Variants in ZIM2 observed in about 807,000 individuals in gnomAD.
ZIM2 encodes zinc finger imprinted 2.
A neutral mutation model predicts 38.6 loss-of-function variants in ZIM2; 14 were observed. That is an observed-to-expected ratio of 0.36 (90% CI 0.24 to 0.57). The LOEUF (loss-of-function observed/expected upper bound fraction) is 0.57. Ranked by LOEUF, ZIM2 falls within the 20% of genes least tolerant of loss-of-function variation. ZIM2 has a pLI of 0.81. For missense variants in ZIM2, 680 were observed against 695.1 expected, an observed-to-expected ratio of 0.98 and a Z score of 0.24; for synonymous variants, 247 against 245.8, an observed-to-expected ratio of 1.00 and a Z score of -0.04.
chr19:56,825,236 C>T (rs2060906128), intron 3 of ZIM2, among the ~76,000 whole-genome samples: 1 of 152,206 alleles, frequency 6.6e-6, no homozygotes, highest in Admixed American at 6.5e-5. Flanking sequence ...CTTCCCTTAA[C>T]ACAATTATTA....
intron 12 of ZIM2, among the ~76,000 whole-genome samples, chr19:56,775,855 A>G (rs1221015388): frequency 6.6e-6 from 1 of 152,080 alleles, no homozygotes; most frequent in Non-Finnish European, 1.5e-5. Context: ...TAATCCCAGC[A>G]CCTTGGGAGG....
chr19:56,774,725 T>C lies in ZIM2; in HGVS notation c.1640A>G (p.His547Arg), dbSNP rs775543084. 2 of 1,613,964 alleles carry C rather than the reference T, an allele frequency of 1.2e-6. No homozygotes were observed. Among genetic ancestry groups the C allele is most frequent in the Non-Finnish European group, 1.7e-6 (2 of 1,180,014 alleles). ...PSYLTQHYQLHSQEKTVECDH... is the reference protein window; with the variant it reads ...PSYLTQHYQLRSQEKTVECDH... The stretch of plus-strand genomic sequence containing the variant: ...GCACTCAACAGTTTTCTCTTGAGAA[T>C]GGAGTTGATAATGTTGAGTGAGGTA... The change falls in exon 13 of 13, where the codon CAT becomes CGT. Residue 547 changes from histidine to arginine, a missense_variant. By Grantham distance (29) the His-to-Arg change is conservative. Transcript: ENST00000629319.
intron 10 of ZIM2, among the ~76,000 whole-genome samples, chr19:56,783,917 A>G (rs985411048): frequency 3.9e-5 from 6 of 152,226 alleles, no homozygotes; most frequent in African/African-American, 1.4e-4. Flanking sequence ...GCAAATCTGA[A>G]TATAGAAAAT....
At chr19:56,823,486 G>A (rs1335013344) in intron 5 of ZIM2, 104 bp downstream of exon 5, 10 of 1,324,116 alleles carry the variant, frequency 7.6e-6, no homozygotes, top group South Asian at 1.2e-5. Flanking sequence ...CTGACCACTC[G>A]GGGATGGCGG....
intron 4 of ZIM2, among the ~76,000 whole-genome samples, chr19:56,823,938 A>G (rs932249660): frequency 3.5e-4 from 53 of 152,054 alleles, no homozygotes; most frequent in African/African-American, 1.3e-3. Context: ...CTCCTAGCAC[A>G]CCACACCAAA....
In ZIM2 at chr19:56,814,122, A is replaced by G. The variant is rs776271420; in HGVS notation, c.490+3624T>C. ...CCCCATTTGGCTGCTCGGCCTCTCC[A>G]TTTGGCTGTCCAGCCTCTCCAATGG... On this transcript the variant is annotated intron_variant, in intron 9 of 12. Coordinates refer to ENST00000629319, the MANE Select transcript of ZIM2 (RefSeq NM_001387356.1). The surrounding 1 kb of genome is among the most constrained non-coding windows in gnomAD (Gnocchi z 5.8). 1.2e-6 allele frequency: 2 copies of G among 1,613,706 alleles called. No homozygotes were observed. Among genetic ancestry groups the G allele is most frequent in the East Asian group, 2.2e-5 (1 of 44,834 alleles).
At chr19:56,799,994 T>C (rs1174507806) in intron 9 of ZIM2, among the ~76,000 whole-genome samples, 1 of 152,194 alleles carries the variant, frequency 6.6e-6, no homozygotes, top group Non-Finnish European at 1.5e-5. Context: ...AACTAATGTG[T>C]GGTGAAAATA....
chr19:56,817,157 T>G, intron 9 of ZIM2: 1 of 1,614,236 alleles, frequency 6.2e-7, no homozygotes, highest in Non-Finnish European at 8.5e-7. Flanking sequence ...CTCAGGCTGC[T>G]CACGCTCATG....
At chr19:56,790,686 TG>T (rs2046886810) in intron 9 of ZIM2, among the ~76,000 whole-genome samples, 2 of 152,222 alleles carry the variant, frequency 1.3e-5, no homozygotes, top group Non-Finnish European at 2.9e-5. Context: ...AATATCGTAC[TG>T]TGCCTAATTA....
At chr19:56,796,135 T>G (rs752911891) in intron 9 of ZIM2, among the ~76,000 whole-genome samples, 8 of 152,120 alleles carry the variant, frequency 5.3e-5, no homozygotes, top group Non-Finnish European at 1.2e-4. Flanking sequence ...TGTGTAAGGC[T>G]TCCCTCAGTA....
At chr19:56,803,113 A>C (rs1727295995) in intron 9 of ZIM2, among the ~76,000 whole-genome samples, 1 of 152,136 alleles carries the variant, frequency 6.6e-6, no homozygotes, top group African/African-American at 2.4e-5. Flanking sequence ...TGGACTCCCC[A>C]CCATACCCAG....
At chr19:56,780,566 G>T (rs906908113) in intron 11 of ZIM2, among the ~76,000 whole-genome samples, 3 of 151,996 alleles carry the variant, frequency 2.0e-5, no homozygotes, top group Non-Finnish European at 4.4e-5. Context: ...TTCAATGGAA[G>T]CTTTATATCA....
chr19:56,815,374 T>C (rs368693431), intron 9 of ZIM2: 1 of 1,614,250 alleles, frequency 6.2e-7, no homozygotes, highest in Non-Finnish European at 8.5e-7. Context: ...TTTAGCATAC[T>C]GCTCTTGGGC....
intron 9 of ZIM2, chr19:56,815,711 C>G: frequency 6.2e-7 from 1 of 1,614,198 alleles, no homozygotes; most frequent in East Asian, 2.2e-5. Context: ...CCAGATCCCT[C>G]TCCAGGAACA....
chr19:56,802,605 A>C (rs2145997915), intron 9 of ZIM2, among the ~76,000 whole-genome samples: 1 of 152,314 alleles, frequency 6.6e-6, no homozygotes, highest in Non-Finnish European at 1.5e-5. Context: ...TCTGCCTCCA[A>C]GTTGTACATG....
At position 56,816,955 on chromosome 19, in the gene ZIM2, T is replaced by G. The variant is rs1002706174; in HGVS notation, c.490+791A>C. On this transcript the variant is annotated intron_variant, in intron 9 of 12. Coordinates refer to ENST00000629319, the MANE Select transcript of ZIM2 (RefSeq NM_001387356.1). Reference sequence around the variant, plus strand: ...ACGTTTCCCTCCAACCTGACTTTTCTGAACTTCACTGACAGCCACACTGTG... The same window carrying G: ...ACGTTTCCCTCCAACCTGACTTTTCGGAACTTCACTGACAGCCACACTGTG... 2 of 1,614,202 alleles carry G rather than the reference T, an allele frequency of 1.2e-6. No individual in the cohort carries two copies. Among genetic ancestry groups the G allele is most frequent in the Admixed American group, 1.7e-5 (1 of 60,020 alleles).
chr19:56,817,560 T>C, intron 9 of ZIM2, 186 bp downstream of exon 9: 1 of 1,593,424 alleles, frequency 6.3e-7, no homozygotes, highest in Non-Finnish European at 8.6e-7. Context: ...ATTTTTTGGC[T>C]TCAGGCATAG....
At position 56,787,710 on chromosome 19, in the gene ZIM2, G is replaced by GTT. The variant is rs56289231; in HGVS notation, c.570+2160_570+2161dup. Among the ~76,000 whole-genome samples, 21 of 105,818 alleles carry GTT rather than the reference G, an allele frequency of 2.0e-4. No individual in the cohort carries two copies. In the East Asian group the frequency reaches 2.8e-3, roughly 14 times the overall value. The allele number at this position is 105,818 out of a possible 152,430, so 69.4% of individuals were successfully genotyped here. A position where few individuals can be genotyped will look rare whatever the true frequency, so the allele number is the denominator to read the frequency against. On this transcript the variant is annotated intron_variant, in intron 10 of 12. Coordinates refer to ENST00000629319, the MANE Select transcript of ZIM2 (RefSeq NM_001387356.1). ...CGGCTGTCAATCTGTCTGGTCCTGG[G>GTT]TTTTTTTTTTTTTTTTTTTGGTTGG...
chr19:56,778,533 T>C (rs2046145173), intron 12 of ZIM2, among the ~76,000 whole-genome samples: 1 of 152,180 alleles, frequency 6.6e-6, no homozygotes, highest in Non-Finnish European at 1.5e-5. Context: ...AGAATGCTTC[T>C]TGGACACACC....
Sources: gnomAD v4.1 joint callset for allele counts (sites outside exome capture counted in the v4.1 genomes callset) on GRCh38, gnomAD v4.1.1 for gene constraint, Gnocchi (gnomAD v3.1) non-coding constraint, MANE v1.5 for transcripts, NCBI Gene and HGNC (gene_info 2026-07-23, HGNC 2026-07-21) for gene names.